The following CNTFR variants were observed in gnomAD, a reference collection of about 807,000 sequenced individuals.
The protein encoded by CNTFR is ciliary neurotrophic factor receptor.
In CNTFR, 12 loss-of-function variants were observed where a neutral mutation model predicts 40.4. The ratio of observed to expected loss-of-function variants is 0.30; its 90% CI spans 0.19 to 0.48. The LOEUF is 0.48. CNTFR is among the 20% of genes least tolerant of loss of function. The probability of loss-of-function intolerance (pLI) is 0.99; values close to 1 mark genes in which losing one functional copy is unlikely to be tolerated. For missense variants in CNTFR, 414 were observed against 506.8 expected (o/e 0.82, Z 1.76); for synonymous variants, 202 against 209.6 (o/e 0.96, Z 0.31).
In CNTFR at chr9:34,552,320, G is replaced by C. The variant is rs1285916935; in HGVS notation, c.959C>G (p.Thr320Ser). 1 of 1,538,494 alleles carries C rather than the reference G, an allele frequency of 6.5e-7. No individual in the cohort carries two copies. Among genetic ancestry groups the C allele is most frequent in the Non-Finnish European group, 8.7e-7 (1 of 1,146,890 alleles). The change falls in exon 9 of 10, where the codon ACC becomes AGC. Residue 320 changes from threonine to serine, a missense_variant. Physicochemically the swap from Thr to Ser is moderately conservative, Grantham distance 58 (BLOSUM62 1). Transcript: ENST00000378980. The surrounding 1 kb of genome is among the most constrained non-coding windows in gnomAD (Gnocchi z 5.1). ...TTEAQAAETT[T>S]STTSSLAPPP... is the part of the protein sequence containing the mutation. ...GGGTGCCAGGGAGCTGGTGGTGCTG[G>C]TCGTGGTCTCTGGGGAACATGGGGG...
intron 7 of CNTFR, among the ~76,000 whole-genome samples, chr9:34,555,735 C>T (rs910884545): frequency 8.5e-5 from 13 of 152,112 alleles, no homozygotes; most frequent in Admixed American, 4.6e-4. Flanking sequence ...TGATCCTGAC[C>T]CCTTGGGCCC....
At chr9:34,589,793 C>T (rs970128859), upstream of CNTFR, 2 of 149,436 alleles carry the variant, frequency 1.3e-5, no homozygotes, top group African/African-American at 2.5e-5. The surrounding 1 kb of genome is among the most constrained non-coding windows in gnomAD (Gnocchi z 4.4). Flanking sequence ...CTCCCTCCCT[C>T]CTTCTCTCGC....
At chr9:34,560,536 TA>T (rs1826026490) in intron 4 of CNTFR, among the ~76,000 whole-genome samples, 1 of 152,236 alleles carries the variant, frequency 6.6e-6, no homozygotes, top group Non-Finnish European at 1.5e-5. Context: ...AGGCAGTGCA[TA>T]TGTGATGGAG....
rs747128259 is a variant in CNTFR, at chr9:34,552,248, C to T, written c.1031G>A (p.Gly344Glu). Residue 344 changes from glycine to glutamate, a missense_variant, in exon 9 of 10, where the codon GGG becomes GAG. Physicochemically the swap from Gly to Glu is moderately conservative, Grantham distance 98. This residue lies in a region of CNTFR where 81 missense variants were observed against 92.2 expected (regional missense o/e 0.88). Transcript: ENST00000378980. This position sits in a 1 kb window ranked among gnomAD's most constrained non-coding sequence, Gnocchi z 5.1. ...ICDPGELGSG[G>E]GPSAPFLVSV... ...GACCAAGAAGGGTGCCGAGGGTCCC[C>T]CGCCGCTGCCCAGCTCCCCAGGGTC... 17 of 1,555,026 alleles carry T rather than the reference C, an allele frequency of 1.1e-5. No homozygotes were observed. In the South Asian group the frequency reaches 1.9e-4, roughly 17 times the overall value.
At chr9:34,581,495 C>G (rs879486992) in intron 1 of CNTFR, among the ~76,000 whole-genome samples, 1 of 152,196 alleles carries the variant, frequency 6.6e-6, no homozygotes, top group Admixed American at 6.5e-5. Flanking sequence ...AATCAGTTTG[C>G]AGACACACAG....
At chr9:34,579,263 CG>C (rs1564074101) in intron 2 of CNTFR, among the ~76,000 whole-genome samples, 1 of 151,978 alleles carries the variant, frequency 6.6e-6, no homozygotes. Flanking sequence ...AATGGGGTTA[CG>C]GGCTTGGATC....
chr9:34,578,411 C>T (rs1827104206), intron 2 of CNTFR, among the ~76,000 whole-genome samples: 2 of 152,186 alleles, frequency 1.3e-5, no homozygotes, highest in Non-Finnish European at 2.9e-5. Context: ...GGACCCTCCC[C>T]GCTCCGGTCC....
At chr9:34,584,487 G>T (rs754701093) in intron 1 of CNTFR, among the ~76,000 whole-genome samples, 5 of 152,208 alleles carry the variant, frequency 3.3e-5, no homozygotes, top group African/African-American at 4.8e-5. Context: ...CTGGGCTCTG[G>T]CTGGACAGAG....
At position 34,552,129 on chromosome 9, in the gene CNTFR, C is replaced by CT; in HGVS notation, c.1118+31dup. The CT allele has an allele frequency of 1.3e-6, 2 of 1,593,448 alleles. No individual in the cohort carries two copies. The highest frequency in any genetic ancestry group is 1.7e-6 in the Non-Finnish European group (2 of 1,170,278). On this transcript the variant is annotated intron_variant, in intron 9 of 9. Transcript: ENST00000378980. The surrounding 1 kb of genome is among the most constrained non-coding windows in gnomAD (Gnocchi z 5.1). ...GGGCTGGAGTGGGGGTTCCCTCAGG[C>CT]TCCCTCTGCCACCCAGCCTCACTCA... is the stretch of plus-strand genomic sequence containing the variant.
chr9:34,564,102 C>A (rs537721281), intron 4 of CNTFR, among the ~76,000 whole-genome samples: 1 of 152,298 alleles, frequency 6.6e-6, no homozygotes, highest in East Asian at 1.9e-4. Flanking sequence ...CCGTTCGCTT[C>A]CCAAGTCTCC....
chr9:34,575,115 G>A (rs1826888612), intron 2 of CNTFR, among the ~76,000 whole-genome samples: 1 of 152,204 alleles, frequency 6.6e-6, no homozygotes, highest in Non-Finnish European at 1.5e-5. Context: ...CTCTTGAATG[G>A]AGAGGAGGAA....
chr9:34,554,564 G>T (rs1014389269), intron 7 of CNTFR, among the ~76,000 whole-genome samples: 2 of 152,132 alleles, frequency 1.3e-5, no homozygotes, highest in African/African-American at 2.4e-5. Context: ...GTCCTCCGTG[G>T]TCTGCTGGAG....
chr9:34,587,966 T>C (rs953495823), intron 1 of CNTFR, among the ~76,000 whole-genome samples: 17 of 152,178 alleles, frequency 1.1e-4, no homozygotes, highest in African/African-American at 4.1e-4. Context: ...ACAACGTAAG[T>C]GTCAGTCCAT....
intron 2 of CNTFR, among the ~76,000 whole-genome samples, chr9:34,570,814 G>T (rs916224486): frequency 1.3e-5 from 2 of 152,176 alleles, no homozygotes; most frequent in African/African-American, 4.8e-5. Context: ...GACAAATGTG[G>T]GTATCAGCCT....
intron 2 of CNTFR, among the ~76,000 whole-genome samples, chr9:34,573,074 C>G (rs768799518): frequency 3.9e-5 from 6 of 152,190 alleles, no homozygotes; most frequent in Non-Finnish European, 8.8e-5. Context: ...TCAGGAACCC[C>G]TGTTACCCAG....
intron 4 of CNTFR, among the ~76,000 whole-genome samples, chr9:34,563,168 A>G (rs190704563): frequency 1.4e-3 from 212 of 152,292 alleles, no homozygotes; most frequent in Non-Finnish European, 1.4e-3. Context: ...GATCCCACTG[A>G]ACAGGTCTGC....
intron 2 of CNTFR, among the ~76,000 whole-genome samples, chr9:34,571,913 G>A (rs1402321940): frequency 6.6e-6 from 1 of 152,048 alleles, no homozygotes; most frequent in East Asian, 1.9e-4. Context: ...GGGCATATAG[G>A]AGATGGGCAG....
Position 34,559,031 on chromosome 9 carries a change from C to T in CNTFR, c.320-1047G>A, listed in dbSNP as rs139863490. Among the ~76,000 whole-genome samples the T allele has an allele frequency of 2.6e-5, 4 of 152,272 alleles. No homozygotes were observed. The East Asian group carries it at 7.7e-4, about 29-fold the overall frequency. The stretch of plus-strand genomic sequence containing the variant: ...AGGAGGCAGCTTATGTGATCTGACC[C>T]GAGCAAGGAATGTCCATCTGCGGCT... On this transcript the variant is annotated intron_variant, in intron 4 of 9. Transcript: ENST00000378980.
At position 34,564,583 on chromosome 9, in the gene CNTFR, T is replaced by A. The variant is rs1262984478; in HGVS notation, c.319+16A>T. 1 of 1,590,354 alleles carries A rather than the reference T, an allele frequency of 6.3e-7. No homozygotes were observed. Among genetic ancestry groups the A allele is most frequent in the African/African-American group, 1.4e-5 (1 of 73,238 alleles). ...GGAAGGAGGGAGGCTGGATGAGGGGTGGGGGCAACACTTACAGCCCACATG... is the reference window on the plus strand; with the variant it reads ...GGAAGGAGGGAGGCTGGATGAGGGGAGGGGGCAACACTTACAGCCCACATG... On this transcript the variant is annotated intron_variant, in intron 4 of 9. Transcript: ENST00000378980.
Sources: allele counts gnomAD v4.1 joint callset (sites outside exome capture counted in the v4.1 genomes callset), GRCh38; gene constraint gnomAD v4.1.1; regional missense constraint gnomAD v4.1.1; non-coding constraint Gnocchi (gnomAD v3.1); transcripts MANE v1.5; gene names NCBI Gene and HGNC (gene_info 2026-07-23, HGNC 2026-07-21).